The following DCC variants were observed in gnomAD, a reference collection of about 807,000 sequenced individuals.
DCC encodes netrin receptor DCC.
Under a neutral mutation model 172.5 loss-of-function variants are expected in DCC, and 58 were observed. The observed-to-expected ratio is 0.34, with a 90% CI of 0.27 to 0.42. The LOEUF is 0.42. DCC is among the 10% of genes least tolerant of loss of function. The pLI is 1.00. For synonymous variants in DCC, 709 were observed against 644.5 expected, an observed-to-expected ratio of 1.10 and a Z score of -1.52; for missense variants, 1,740 against 1,791.0, an observed-to-expected ratio of 0.97 and a Z score of 0.51.
At chr18:52,417,952 ATAGC>A (rs1412470755) in intron 1 of DCC, among the ~76,000 whole-genome samples, 1 of 152,210 alleles carries the variant, frequency 6.6e-6, no homozygotes, top group Non-Finnish European at 1.5e-5. Context: ...CAGCAGGACC[ATAGC>A]GCAGCTCTGT....
At chr18:52,376,509 A>G (rs34018179) in intron 1 of DCC, among the ~76,000 whole-genome samples, 37,349 of 149,202 alleles carry the variant, frequency 0.25, 4,734 homozygotes, top group African/African-American at 0.29. Flanking sequence ...GTGTGTGTGT[A>G]TATGTGTGTA....
chr18:53,502,262 T>C (rs560051150), intron 27 of DCC, among the ~76,000 whole-genome samples: 1 of 152,230 alleles, frequency 6.6e-6, no homozygotes, highest in South Asian at 2.1e-4. Context: ...ACTGGAGGCA[T>C]GCCCCGCCAT....
At chr18:52,989,056 G>T (rs1236657958) in intron 5 of DCC, among the ~76,000 whole-genome samples, 2 of 151,860 alleles carry the variant, frequency 1.3e-5, no homozygotes, top group African/African-American at 2.4e-5. Flanking sequence ...TTTAAATGTT[G>T]TGGTTTTAAA....
intron 3 of DCC, among the ~76,000 whole-genome samples, chr18:52,908,127 C>T (rs776046474): frequency 2.0e-4 from 31 of 152,172 alleles, no homozygotes; most frequent in South Asian, 4.1e-4. Flanking sequence ...TCGGTCTCTG[C>T]GCTCTTAACT....
At chr18:52,930,586 A>T (rs1310175157) in intron 5 of DCC, among the ~76,000 whole-genome samples, 2 of 152,178 alleles carry the variant, frequency 1.3e-5, no homozygotes, top group Admixed American at 1.3e-4. Context: ...ACAATTTTGA[A>T]TATCTAAACA....
At chr18:53,530,480 AC>A in intron 28 of DCC, 83 bp from the exon 29 acceptor site, 1 of 820,462 alleles carries the variant, frequency 1.2e-6, no homozygotes, top group Non-Finnish European at 2.2e-6. Flanking sequence ...AATACGTAGC[AC>A]CCCAACTAGC....
intron 1 of DCC, among the ~76,000 whole-genome samples, chr18:52,640,025 T>A (rs895707787): frequency 6.6e-6 from 1 of 152,140 alleles, no homozygotes; most frequent in African/African-American, 2.4e-5. Context: ...CATGATAAAG[T>A]GGGTTTCATA....
intron 7 of DCC, among the ~76,000 whole-genome samples, chr18:53,123,012 T>C (rs1194633518): frequency 6.6e-6 from 1 of 152,030 alleles, no homozygotes; most frequent in Non-Finnish European, 1.5e-5. Flanking sequence ...TTAACTCCTA[T>C]GCTGGACACT....
chr18:53,215,645 A>G lies in DCC; in HGVS notation c.1911+48A>G, dbSNP rs750294654. The G allele has an allele frequency of 2.2e-5, 33 of 1,470,432 alleles. 2 individuals are homozygous for G. In the South Asian group the frequency reaches 2.7e-4, roughly 12 times the overall value. The allele number at this position is 1,470,432 out of a possible 1,614,324, so 91.1% of individuals were successfully genotyped here. A position where few individuals can be genotyped will look rare whatever the true frequency, so the allele number is the denominator to read the frequency against. ...ACTCCATTACCTATCAAGATTACCT[A>G]TCATGTATAACCTTCACTCACCCAA... is the stretch of plus-strand genomic sequence containing the variant. On this transcript the variant is annotated intron_variant, in intron 12 of 28. Coordinates refer to ENST00000442544, the MANE Select transcript of DCC (RefSeq NM_005215.4).
chr18:52,485,444 G>T (rs10460044), intron 1 of DCC, among the ~76,000 whole-genome samples: 8,782 of 152,056 alleles, frequency 0.058, 315 homozygotes, highest in South Asian at 0.12. Flanking sequence ...CAGAATGCAC[G>T]GCAAATACAG....
intron 7 of DCC, among the ~76,000 whole-genome samples, chr18:53,102,539 G>A (rs547283774): frequency 6.6e-6 from 1 of 152,018 alleles, no homozygotes; most frequent in Non-Finnish European, 1.5e-5. Flanking sequence ...TAATATCCAA[G>A]CTGTATTGAT....
chr18:52,843,020 G>C (rs2038831602), intron 2 of DCC, among the ~76,000 whole-genome samples: 1 of 152,146 alleles, frequency 6.6e-6, no homozygotes. Context: ...ATGTCAAGTA[G>C]CTAATCAGAT....
intron 7 of DCC, among the ~76,000 whole-genome samples, chr18:53,089,282 C>T (rs1405339947): frequency 1.3e-5 from 2 of 152,126 alleles, no homozygotes; most frequent in African/African-American, 4.8e-5. Flanking sequence ...GACAGGGTTT[C>T]ACCTTGTTGG....
chr18:52,556,382 A>G (rs568230492), intron 1 of DCC, among the ~76,000 whole-genome samples: 1 of 152,150 alleles, frequency 6.6e-6, no homozygotes. Flanking sequence ...AAGACAACAT[A>G]GAATATGATT....
chr18:53,351,382 C>CTGT (rs2057801500), intron 15 of DCC, among the ~76,000 whole-genome samples: 2 of 27,564 alleles, frequency 7.3e-5, no homozygotes, highest in African/African-American at 2.7e-4. Context: ...TATATATATA[C>CTGT]AGTATATATA....
chr18:52,633,011 C>T (rs528078276), intron 1 of DCC, among the ~76,000 whole-genome samples: 1 of 152,052 alleles, frequency 6.6e-6, no homozygotes, highest in Admixed American at 6.6e-5. Flanking sequence ...AATTAGTAAC[C>T]TTTCTGTCAG....
At chr18:52,373,868 G>T (rs1391892760) in intron 1 of DCC, among the ~76,000 whole-genome samples, 4 of 149,696 alleles carry the variant, frequency 2.7e-5, no homozygotes, top group Non-Finnish European at 5.9e-5. Flanking sequence ...TGGGATCAAT[G>T]AAGCATATTT....
intron 26 of DCC, among the ~76,000 whole-genome samples, chr18:53,494,737 A>G (rs1197568897): frequency 1.3e-5 from 2 of 152,198 alleles, no homozygotes; most frequent in East Asian, 3.8e-4. Flanking sequence ...TGAATACAGC[A>G]CACTGATGGG....
At position 52,937,452 on chromosome 18, in the gene DCC, T is replaced by G. The variant is rs182078448; in HGVS notation, c.985+12082T>G. On this transcript the variant is annotated intron_variant, in intron 5 of 28. Coordinates refer to ENST00000442544, the MANE Select transcript of DCC (RefSeq NM_005215.4). ...TCCCATTTTCCACTGTAAGCCTTTT[T>G]GTTTAATGGACAATTTATGCTTATC... is the stretch of plus-strand genomic sequence containing the variant. Among the ~76,000 whole-genome samples the G allele has an allele frequency of 6.6e-5, 10 of 152,280 alleles. No individual in the cohort carries two copies. In the East Asian group the frequency reaches 1.9e-3, roughly 29 times the overall value.
Sources: allele counts gnomAD v4.1 joint callset (sites outside exome capture counted in the v4.1 genomes callset), GRCh38; gene constraint gnomAD v4.1.1; transcripts MANE v1.5; gene names NCBI Gene and HGNC (gene_info 2026-07-23, HGNC 2026-07-21).